Variants in PCDH11Y observed in about 807,000 individuals in gnomAD.
PCDH11Y encodes protocadherin 11 Y-linked, also known as protocadherin-11 Y-linked.
For synonymous variants in PCDH11Y, 9 were observed against 83.6 expected (o/e 0.11, Z 4.87); for missense variants, 12 against 224.8 (o/e 0.05, Z 6.05).
intron 2 of PCDH11Y, among the ~76,000 whole-genome samples, chrY:5,430,961 A>G: frequency 3.1e-5 from 1 of 32,215 alleles, no homozygotes; most frequent in Non-Finnish European, 7.6e-5. Flanking sequence ...TGCATCTGCT[A>G]AAAACCAAGC....
At chrY:5,193,358 C>A in intron 2 of PCDH11Y, among the ~76,000 whole-genome samples, 1 of 33,402 alleles carries the variant, frequency 3.0e-5, no homozygotes, top group East Asian at 7.8e-4. Context: ...GAAGTTTTTT[C>A]AACTCCAGAA....
At chrY:5,340,356 G>A in intron 2 of PCDH11Y, among the ~76,000 whole-genome samples, 2 of 30,076 alleles carry the variant, frequency 6.6e-5, no homozygotes, top group African/African-American at 2.6e-4. Context: ...GACTGAGGGT[G>A]AGTTGGCCTT....
intron 2 of PCDH11Y, among the ~76,000 whole-genome samples, chrY:5,283,494 A>G (rs1365169870): frequency 2.1e-4 from 7 of 32,661 alleles, no homozygotes; most frequent in Non-Finnish European, 4.5e-4. Context: ...TCTCTTGTCA[A>G]TGGTTTACAT....
chrY:5,164,910 T>A, intron 2 of PCDH11Y, among the ~76,000 whole-genome samples: 2 of 32,652 alleles, frequency 6.1e-5, no homozygotes, highest in African/African-American at 2.4e-4. Context: ...AAATGGCTAT[T>A]TAATATCAGA....
chrY:5,385,657 T>A (rs2053213298), intron 2 of PCDH11Y, among the ~76,000 whole-genome samples: 1 of 33,759 alleles, frequency 3.0e-5, no homozygotes. Context: ...TTTCACTGCA[T>A]CCATGACAAC....
chrY:5,678,373 A>T, intron 4 of PCDH11Y, among the ~76,000 whole-genome samples: 9 of 32,752 alleles, frequency 2.7e-4, no homozygotes, highest in South Asian at 2.0e-3. Flanking sequence ...ATGTCAAAAA[A>T]ATCTGAAAAT....
chrY:5,316,192 C>T, intron 2 of PCDH11Y, among the ~76,000 whole-genome samples: 1 of 32,874 alleles, frequency 3.0e-5, no homozygotes, highest in Non-Finnish European at 7.5e-5. Context: ...AATACATTGG[C>T]TTGGTTCAGA....
At chrY:5,537,128 T>C (rs2053401221) in intron 3 of PCDH11Y, among the ~76,000 whole-genome samples, 1 of 32,567 alleles carries the variant, frequency 3.1e-5, no homozygotes, top group Admixed American at 2.8e-4. Context: ...GGGAGTTGTA[T>C]TGAATTTGTA....
intron 2 of PCDH11Y, among the ~76,000 whole-genome samples, chrY:5,319,546 A>G: frequency 3.0e-5 from 1 of 33,366 alleles, no homozygotes; most frequent in Non-Finnish European, 7.4e-5. Context: ...AAGGCCCTTC[A>G]TTGCAGTATG....
chrY:5,386,303 G>C (rs1331785252), intron 2 of PCDH11Y, among the ~76,000 whole-genome samples: 2 of 32,564 alleles, frequency 6.1e-5, no homozygotes, highest in South Asian at 6.9e-4. Context: ...CCTTCATCTT[G>C]ACTTTTGATA....
chrY:5,006,213 T>G (rs2124617415), intron 1 of PCDH11Y, among the ~76,000 whole-genome samples: 2 of 28,458 alleles, frequency 7.0e-5, no homozygotes, highest in African/African-American at 2.8e-4. Context: ...TTCTTATTTT[T>G]ATTCCCTCCT....
At chrY:5,413,650 C>T (rs2053250555) in intron 2 of PCDH11Y, among the ~76,000 whole-genome samples, 1 of 32,802 alleles carries the variant, frequency 3.0e-5, no homozygotes, top group South Asian at 7.0e-4. Flanking sequence ...GTTAGTGAGA[C>T]CTGGCCTGCC....
intron 2 of PCDH11Y, among the ~76,000 whole-genome samples, chrY:5,032,174 A>T: frequency 5.9e-5 from 2 of 33,925 alleles, no homozygotes; most frequent in Non-Finnish European, 1.5e-4. Flanking sequence ...ATATTATGTG[A>T]TTGCCGTTCA....
intron 2 of PCDH11Y, among the ~76,000 whole-genome samples, chrY:5,419,244 CA>C (rs2053255799): frequency 9.2e-5 from 3 of 32,771 alleles, no homozygotes; most frequent in African/African-American, 3.5e-4. Context: ...ATCTTGCAGC[CA>C]ATTTTTTTTT....
At chrY:5,729,069 C>T in intron 4 of PCDH11Y, among the ~76,000 whole-genome samples, 10 of 33,445 alleles carry the variant, frequency 3.0e-4, no homozygotes. Context: ...GTGAACAGTG[C>T]TGTGTCAACA....
intron 2 of PCDH11Y, among the ~76,000 whole-genome samples, chrY:5,472,662 G>A (rs2053315204): frequency 9.5e-5 from 3 of 31,685 alleles, no homozygotes; most frequent in African/African-American, 2.4e-4. Context: ...TCACCTTCTC[G>A]TCTATACTTT....
At chrY:5,229,476 C>T (rs2052965581) in intron 2 of PCDH11Y, among the ~76,000 whole-genome samples, 1 of 30,349 alleles carries the variant, frequency 3.3e-5, no homozygotes. Context: ...CCACCGCGCC[C>T]GGCTAATTTT....
At chrY:5,731,461 G>A in intron 4 of PCDH11Y, among the ~76,000 whole-genome samples, 1 of 32,797 alleles carries the variant, frequency 3.0e-5, no homozygotes, top group Non-Finnish European at 7.6e-5. Flanking sequence ...TGTGGGATCA[G>A]TTGCAATGCC....
intron 2 of PCDH11Y, among the ~76,000 whole-genome samples, chrY:5,403,591 G>A: frequency 3.0e-5 from 1 of 32,834 alleles, no homozygotes; most frequent in African/African-American, 1.2e-4. Flanking sequence ...ACAGCACACC[G>A]AGGTTGAATA....
Sources: gnomAD v4.1 joint callset for allele counts (sites outside exome capture counted in the v4.1 genomes callset) on GRCh38, gnomAD v4.1.1 for gene constraint, MANE v1.5 for transcripts, NCBI Gene and HGNC (gene_info 2026-07-23, HGNC 2026-07-21) for gene names.